The following ANK3 variants were observed in gnomAD, a reference collection of about 807,000 sequenced individuals.
ANK3 encodes ankyrin-3.
Under a neutral mutation model 370.9 loss-of-function variants are expected in ANK3, and 57 were observed. The observed-to-expected ratio is 0.15, with a 90% CI of 0.12 to 0.19. The LOEUF is 0.19. Among genes scored for constraint, ANK3 ranks in the 10% least tolerant of loss-of-function variants. ANK3 has a pLI of 1.00. For missense variants in ANK3, 4,439 were observed against 5,302.1 expected (o/e 0.84, Z 5.06); for synonymous variants, 1,929 against 1,946.3 (o/e 0.99, Z 0.23).
intron 1 of ANK3, among the ~76,000 whole-genome samples, chr10:60,714,293 C>T (rs2079751667): frequency 6.6e-6 from 1 of 152,144 alleles, no homozygotes; most frequent in African/African-American, 2.4e-5. Context: ...CAGATGGGTT[C>T]ACTGGTGACT....
intron 2 of ANK3, among the ~76,000 whole-genome samples, chr10:60,559,854 C>A (rs2077293744): frequency 6.6e-6 from 1 of 152,082 alleles, no homozygotes; most frequent in South Asian, 2.1e-4. Flanking sequence ...GTTAGCCTGG[C>A]CAACATGGTG....
intron 7 of ANK3, among the ~76,000 whole-genome samples, chr10:60,261,035 G>T (rs1045111192): frequency 3.9e-5 from 6 of 152,126 alleles, no homozygotes; most frequent in African/African-American, 1.2e-4. Flanking sequence ...TTTCAGTGAC[G>T]CAGTGAGGGA....
At chr10:60,140,754 A>C in intron 23 of ANK3, 1 of 1,085,710 alleles carries the variant, frequency 9.2e-7, no homozygotes. Context: ...CCCCTGAGTT[A>C]TTTGTATGTA....
intron 1 of ANK3, among the ~76,000 whole-genome samples, chr10:60,333,457 T>C (rs185789789): frequency 0.01 from 1,574 of 152,334 alleles, 33 homozygotes; most frequent in African/African-American, 0.036. Context: ...GCTTCATCTA[T>C]GTCCCTGCAA....
rs188538927 is a variant in ANK3, at chr10:60,098,027, G to A, written c.3328+7878C>T. On this transcript the variant is annotated intron_variant, in intron 28 of 43. Coordinates refer to ENST00000280772, the MANE Select transcript of ANK3 (RefSeq NM_020987.5). ...TAAGTCACTGTAGACAGGTGCCCAG[G>A]GTTGAAATATAGCTCTATAGTCAGT... is the stretch of plus-strand genomic sequence containing the variant. Among the ~76,000 whole-genome samples the A allele has an allele frequency of 2.9e-3, 437 of 152,256 alleles. 1 individual carries two copies. Among genetic ancestry groups the A allele is most frequent in the African/African-American group, 9.8e-3 (409 of 41,542 alleles).
intron 1 of ANK3, among the ~76,000 whole-genome samples, chr10:60,627,846 A>G (rs1395669345): frequency 6.6e-6 from 1 of 152,134 alleles, no homozygotes; most frequent in Non-Finnish European, 1.5e-5. Flanking sequence ...TAACGCCATA[A>G]CATCACTAGT....
intron 4 of ANK3, among the ~76,000 whole-genome samples, chr10:60,273,087 C>T (rs2098025890): frequency 6.6e-6 from 1 of 152,164 alleles, no homozygotes; most frequent in African/African-American, 2.4e-5. Context: ...TTAAAAGGCA[C>T]AACTCTGAAA....
chr10:60,692,518 C>G (rs534062769), intron 1 of ANK3, among the ~76,000 whole-genome samples: 6 of 152,292 alleles, frequency 3.9e-5, no homozygotes, highest in African/African-American at 1.4e-4. Context: ...GGAAGTGTCA[C>G]ACATTCTTCT....
intron 2 of ANK3, among the ~76,000 whole-genome samples, chr10:60,510,721 G>A (rs922086643): frequency 1.3e-5 from 2 of 152,118 alleles, no homozygotes; most frequent in Non-Finnish European, 2.9e-5. Flanking sequence ...TCGGGAGGCT[G>A]AAACATGTGA....
rs1564773342 is a variant in ANK3, at chr10:60,071,247, G to C, written c.9634C>G (p.Gln3212Glu). 1 of 1,614,096 alleles carries C rather than the reference G, an allele frequency of 6.2e-7. No homozygotes were observed. The highest frequency in any genetic ancestry group is 2.2e-5 in the East Asian group (1 of 44,880). ...EVSEESEEEE[Q>E]AKSTSLKQTT... ...TGCTTAAGGGAGGTTGACTTGGCCT[G>C]TTCCTCCTCCTCTGACTCCTCAGAA... The change falls in exon 37 of 44, where the codon CAG becomes GAG. Residue 3212 changes from glutamine (Q) to glutamate (E), a missense_variant. Transcript: ENST00000280772.
At chr10:60,447,812 G>A (rs1446100626) in intron 2 of ANK3, among the ~76,000 whole-genome samples, 4 of 152,094 alleles carry the variant, frequency 2.6e-5, no homozygotes, top group African/African-American at 4.8e-5. Context: ...GCCTAGATAC[G>A]CAACCCTCCT....
At chr10:60,619,353 C>T (rs867795107) in intron 1 of ANK3, among the ~76,000 whole-genome samples, 18 of 152,236 alleles carry the variant, frequency 1.2e-4, no homozygotes, top group Admixed American at 7.2e-4. Flanking sequence ...CTTCCCAGAT[C>T]TCATTCTGCC....
intron 7 of ANK3, among the ~76,000 whole-genome samples, chr10:60,236,186 G>A (rs2097330153): frequency 6.6e-6 from 1 of 151,852 alleles, no homozygotes; most frequent in African/African-American, 2.4e-5. Context: ...AAGAAGAGGA[G>A]AAAGAAAATT....
intron 1 of ANK3, among the ~76,000 whole-genome samples, chr10:60,632,084 C>T (rs922673897): frequency 2.6e-5 from 4 of 152,182 alleles, no homozygotes; most frequent in Admixed American, 6.5e-5. Flanking sequence ...TGGTGTTTCC[C>T]ATCAACTAGT....
intron 1 of ANK3, among the ~76,000 whole-genome samples, chr10:60,720,637 G>T (rs937633176): frequency 1.3e-4 from 20 of 152,120 alleles, no homozygotes; most frequent in African/African-American, 4.3e-4. Flanking sequence ...ACAGGGTCTT[G>T]CTCTGTTGCC....
At chr10:60,383,729 C>A (rs1199498078) in intron 1 of ANK3, among the ~76,000 whole-genome samples, 1 of 119,038 alleles carries the variant, frequency 8.4e-6, no homozygotes, top group Non-Finnish European at 1.9e-5. Context: ...AGCAAGTTTC[C>A]TTGATCTCAT....
intron 2 of ANK3, among the ~76,000 whole-genome samples, chr10:60,597,690 T>A (rs560189848): frequency 2.6e-5 from 4 of 152,190 alleles, no homozygotes; most frequent in Non-Finnish European, 5.9e-5. Flanking sequence ...AATAGAGCTT[T>A]CTTTCCTCTT....
intron 7 of ANK3, among the ~76,000 whole-genome samples, chr10:60,253,826 C>A (rs2097699820): frequency 6.6e-6 from 1 of 152,062 alleles, no homozygotes; most frequent in Non-Finnish European, 1.5e-5. Context: ...AGGAGATAAA[C>A]CTATTAAAAA....
chr10:60,697,292 T>C (rs943023900), intron 1 of ANK3, among the ~76,000 whole-genome samples: 2 of 151,788 alleles, frequency 1.3e-5, no homozygotes, highest in African/African-American at 4.8e-5. Flanking sequence ...TGCTCATGGG[T>C]AGGAAAAATC....
Sources: allele counts gnomAD v4.1 joint callset (sites outside exome capture counted in the v4.1 genomes callset), GRCh38; gene constraint gnomAD v4.1.1; transcripts MANE v1.5; gene names NCBI Gene and HGNC (gene_info 2026-07-23, HGNC 2026-07-21).